Variants in SCFD2 observed in about 807,000 individuals in gnomAD.
SCFD2 encodes sec1 family domain-containing protein 2.
A neutral mutation model predicts 58.9 loss-of-function variants in SCFD2; 54 were observed. The ratio of observed to expected loss-of-function variants is 0.92; its 90% CI spans 0.74 to 1.15. The LOEUF (loss-of-function observed/expected upper bound fraction) is 1.15, where lower values mean the gene tolerates loss of function less well. Among genes scored for constraint, SCFD2 ranks in the 50% most tolerant of loss-of-function variants. The pLI is 0.00. For synonymous variants in SCFD2, 321 were observed against 335.9 expected (o/e 0.96, Z 0.49); for missense variants, 805 against 836.6 (o/e 0.96, Z 0.47).
chr4:53,113,670 T>G (rs1299118041), intron 5 of SCFD2, among the ~76,000 whole-genome samples: 1 of 152,042 alleles, frequency 6.6e-6, no homozygotes, highest in Non-Finnish European at 1.5e-5. Flanking sequence ...CCTACTAGAA[T>G]GTAGCCTCCA....
chr4:52,972,019 C>A (rs1173169459), intron 5 of SCFD2, among the ~76,000 whole-genome samples: 1 of 152,150 alleles, frequency 6.6e-6, no homozygotes. Flanking sequence ...GAAGGAAGCA[C>A]TGAACATGGA....
intron 7 of SCFD2, among the ~76,000 whole-genome samples, chr4:52,907,001 G>GCCAGT (rs1327194522): frequency 6.6e-6 from 1 of 152,178 alleles, no homozygotes; most frequent in African/African-American, 2.4e-5. Flanking sequence ...CTAGGAGTCT[G>GCCAGT]CCAGTCCAAA....
At chr4:53,157,025 A>ATACT (rs1198336063) in intron 4 of SCFD2, among the ~76,000 whole-genome samples, 2 of 152,256 alleles carry the variant, frequency 1.3e-5, no homozygotes, top group African/African-American at 2.4e-5. Context: ...AACAACCGAT[A>ATACT]TACTTACTGT....
At chr4:53,007,807 A>G (rs2148804960) in intron 5 of SCFD2, among the ~76,000 whole-genome samples, 1 of 152,284 alleles carries the variant, frequency 6.6e-6, no homozygotes, top group Middle Eastern at 3.4e-3. Flanking sequence ...AAGCATGAGG[A>G]GCATTGGTCT....
chr4:52,874,784 A>C (rs1323144349), intron 8 of SCFD2, among the ~76,000 whole-genome samples: 1 of 152,134 alleles, frequency 6.6e-6, no homozygotes, highest in Non-Finnish European at 1.5e-5. Flanking sequence ...TAGAGCCCAC[A>C]CTAAAGACCC....
At chr4:52,918,336 G>A (rs1393683031) in intron 6 of SCFD2, among the ~76,000 whole-genome samples, 4 of 152,108 alleles carry the variant, frequency 2.6e-5, no homozygotes, top group African/African-American at 9.7e-5. Context: ...AAATATATAT[G>A]TATTGTACTT....
At chr4:52,973,369 C>T (rs1420290388) in intron 5 of SCFD2, among the ~76,000 whole-genome samples, 1 of 152,112 alleles carries the variant, frequency 6.6e-6, no homozygotes, top group Non-Finnish European at 1.5e-5. Flanking sequence ...TACAAACTAC[C>T]ATCAGAGAAT....
Position 53,365,789 on chromosome 4 carries a change from A to C in SCFD2, c.153T>G (p.Gly51=), listed in dbSNP as rs1553904303. Residue 51 remains glycine (G), a synonymous_variant, in exon 1 of 9, where the codon GGT becomes GGG. Coordinates refer to ENST00000401642, the MANE Select transcript of SCFD2 (RefSeq NM_152540.4). This position sits in a 1 kb window ranked among gnomAD's most constrained non-coding sequence, Gnocchi z 4.3. ...GSTRLLEAVG[G]PDCHLREFEP... ...CGAACTCTCGCAGGTGACAGTCAGG[A>C]CCCCCCACCGCCTCCAGGAGACGGG... 1.2e-6 allele frequency: 2 copies of C among 1,611,910 alleles called. No individual in the cohort carries two copies. Among genetic ancestry groups the C allele is most frequent in the South Asian group, 2.2e-5 (2 of 90,870 alleles).
intron 5 of SCFD2, among the ~76,000 whole-genome samples, chr4:53,081,355 C>T (rs1724141404): frequency 6.6e-6 from 1 of 152,008 alleles, no homozygotes; most frequent in Non-Finnish European, 1.5e-5. Flanking sequence ...ATCCCATCAC[C>T]CAGACAGTGA....
intron 5 of SCFD2, among the ~76,000 whole-genome samples, chr4:53,019,142 C>T (rs1250882547): frequency 6.6e-6 from 1 of 151,982 alleles, no homozygotes; most frequent in East Asian, 1.9e-4. Flanking sequence ...AAGACTTTCT[C>T]CTAAGGAAGT....
At chr4:53,149,346 AAT>A (rs1201737161) in intron 4 of SCFD2, among the ~76,000 whole-genome samples, 1 of 152,238 alleles carries the variant, frequency 6.6e-6, no homozygotes, top group Non-Finnish European at 1.5e-5. Flanking sequence ...ACACAAGCCA[AAT>A]GTAAGACTTC....
chr4:52,921,339 C>T lies in SCFD2; in HGVS notation c.1562-469G>A, dbSNP rs149925875. The stretch of plus-strand genomic sequence containing the variant: ...TCCTGTCTAATGCACTAACAAAGCA[C>T]GTGGCACATTTCAGAGGGCTGCCAT... On this transcript the variant is annotated intron_variant, in intron 5 of 8. Coordinates refer to ENST00000401642, the MANE Select transcript of SCFD2 (RefSeq NM_152540.4). 1.7e-4 allele frequency among the ~76,000 whole-genome samples: 26 copies of T among 152,252 alleles called. 1 individual carries two copies. The East Asian group carries it at 3.1e-3, about 18-fold the overall frequency.
At chr4:53,250,859 T>A (rs1448931516) in intron 4 of SCFD2, among the ~76,000 whole-genome samples, 2 of 151,934 alleles carry the variant, frequency 1.3e-5, no homozygotes, top group East Asian at 3.9e-4. Context: ...GCAAACACAT[T>A]CAAAAGCTAG....
At chr4:52,911,068 TG>T (rs1245119495) in intron 6 of SCFD2, among the ~76,000 whole-genome samples, 1 of 151,658 alleles carries the variant, frequency 6.6e-6, no homozygotes, top group Non-Finnish European at 1.5e-5. Flanking sequence ...AAAAATAGAT[TG>T]TCATTCTCCA....
At chr4:53,119,057 C>A (rs1190511582) in intron 5 of SCFD2, among the ~76,000 whole-genome samples, 1 of 152,126 alleles carries the variant, frequency 6.6e-6, no homozygotes, top group Non-Finnish European at 1.5e-5. Context: ...GTGGCTCATG[C>A]CTGTAATCCC....
chr4:53,177,383 G>C (rs576183623), intron 4 of SCFD2, among the ~76,000 whole-genome samples: 1 of 152,344 alleles, frequency 6.6e-6, no homozygotes, highest in Non-Finnish European at 1.5e-5. Context: ...GAATCTGGAG[G>C]AGAGAGGGCC....
chr4:53,275,773 C>T lies in SCFD2; in HGVS notation c.1136-1772G>A, dbSNP rs557263335. ...CTAGAGTGTCACATAAATGGAATCA[C>T]ATAGTATGTAGCCATTTGAGTCTGG... is the stretch of plus-strand genomic sequence containing the variant. On this transcript the variant is annotated intron_variant, in intron 3 of 8. Transcript: ENST00000401642. Among the ~76,000 whole-genome samples, 61 of 152,238 alleles carry T rather than the reference C, an allele frequency of 4.0e-4. 1 individual carries two copies. In the South Asian group the frequency reaches 0.012, roughly 31 times the overall value.
chr4:53,086,515 C>T (rs1221884910), intron 5 of SCFD2, among the ~76,000 whole-genome samples: 1 of 152,170 alleles, frequency 6.6e-6, no homozygotes, highest in Non-Finnish European at 1.5e-5. Context: ...TATGATCCAG[C>T]AATCTCACTG....
At position 53,317,094 on chromosome 4, in the gene SCFD2, G is replaced by A. The variant is rs141651644; in HGVS notation, c.1008-3331C>T. ...TGCACTCCAGCCTAGGCAACAGAAC[G>A]AGACTCCATGTCAAAAAAAAAAAAA... On this transcript the variant is annotated intron_variant, in intron 2 of 8. Transcript: ENST00000401642. Among the ~76,000 whole-genome samples the A allele has an allele frequency of 8.8e-3, 1,301 of 147,724 alleles. 13 individuals are homozygous for A. Among genetic ancestry groups the A allele is most frequent in the Middle Eastern group, 0.049 (14 of 286 alleles).
Sources: gnomAD v4.1 joint callset for allele counts (sites outside exome capture counted in the v4.1 genomes callset) on GRCh38, gnomAD v4.1.1 for gene constraint, Gnocchi (gnomAD v3.1) non-coding constraint, MANE v1.5 for transcripts, NCBI Gene and HGNC (gene_info 2026-07-23, HGNC 2026-07-21) for gene names.